Variants in ZNF678 observed in about 807,000 individuals in gnomAD.
The protein encoded by ZNF678 is hypothetical protein MGC42493.
Under a neutral mutation model 3.0 loss-of-function variants are expected in ZNF678, and 5 were observed. That is an observed-to-expected ratio of 1.69 (90% CI 0.88 to 3.56). ZNF678 has a LOEUF of 3.56. Among genes scored for constraint, ZNF678 ranks in the 30% most tolerant of loss-of-function variants. The probability of loss-of-function intolerance (pLI) is 0.00; values close to 1 mark genes in which losing one functional copy is unlikely to be tolerated. For missense variants in ZNF678, 593 were observed against 605.0 expected (o/e 0.98, Z 0.21); for synonymous variants, 218 against 199.6 (o/e 1.09, Z -0.78).
At chr1:227,565,255 G>A (rs1227716973) in intron 1 of ZNF678, among the ~76,000 whole-genome samples, 4 of 150,738 alleles carry the variant, frequency 2.7e-5, no homozygotes, top group East Asian at 4.0e-4. Flanking sequence ...TAGTAGAGAC[G>A]GGGTTTCACC....
At chr1:227,578,934 G>A (rs1157674915) in intron 1 of ZNF678, among the ~76,000 whole-genome samples, 2 of 152,056 alleles carry the variant, frequency 1.3e-5, no homozygotes, top group African/African-American at 2.4e-5. Context: ...TTCTTTTATT[G>A]TATTTGATTG....
chr1:227,575,695 A>G (rs1656971126), intron 1 of ZNF678, among the ~76,000 whole-genome samples: 1 of 152,150 alleles, frequency 6.6e-6, no homozygotes. Context: ...GCAAACAGGT[A>G]TAGTTTGACT....
At chr1:227,614,850 C>G (rs899575894) in intron 1 of ZNF678, among the ~76,000 whole-genome samples, 2 of 152,252 alleles carry the variant, frequency 1.3e-5, no homozygotes, top group Non-Finnish European at 2.9e-5. Flanking sequence ...CCCACACAGA[C>G]TGTCCCACCA....
chr1:227,584,588 T>C (rs1054508598), intron 1 of ZNF678, among the ~76,000 whole-genome samples: 1 of 152,230 alleles, frequency 6.6e-6, no homozygotes, highest in African/African-American at 2.4e-5. Context: ...TAAAGCATAA[T>C]GAGAAACACT....
intron 1 of ZNF678, among the ~76,000 whole-genome samples, chr1:227,576,435 G>A (rs1299028719): frequency 2.0e-5 from 3 of 152,138 alleles, no homozygotes; most frequent in Admixed American, 1.3e-4. Context: ...CTATTTGTCT[G>A]TTCAGGGTTT....
At chr1:227,650,770 T>C (rs945590601) in intron 2 of ZNF678, among the ~76,000 whole-genome samples, 186 bp from the exon 3 acceptor site, 1 of 152,206 alleles carries the variant, frequency 6.6e-6, no homozygotes, top group African/African-American at 2.4e-5. Context: ...TTGTAGTTAG[T>C]GTATTAGAAC....
intron 1 of ZNF678, among the ~76,000 whole-genome samples, chr1:227,605,885 G>T (rs1387520028): frequency 6.6e-6 from 1 of 152,200 alleles, no homozygotes; most frequent in Non-Finnish European, 1.5e-5. Flanking sequence ...GAAACTTGTG[G>T]AAGTATAAGC....
intron 3 of ZNF678, among the ~76,000 whole-genome samples, chr1:227,652,060 T>C (rs1447604433): frequency 1.3e-5 from 2 of 152,318 alleles, no homozygotes; most frequent in Non-Finnish European, 2.9e-5. Context: ...CATATATATT[T>C]GGGAAACCTA....
At chr1:227,668,820 C>T (rs920952790) in intron 5 of ZNF678, among the ~76,000 whole-genome samples, 2 of 152,080 alleles carry the variant, frequency 1.3e-5, no homozygotes, top group African/African-American at 4.8e-5. Flanking sequence ...AATAGGAAGT[C>T]GTTTCTTCAT....
At chr1:227,601,990 A>G (rs1293209295) in intron 1 of ZNF678, among the ~76,000 whole-genome samples, 6 of 152,210 alleles carry the variant, frequency 3.9e-5, no homozygotes, top group African/African-American at 1.4e-4. Context: ...GGTTTTCTAG[A>G]TATAGAATCA....
intron 1 of ZNF678, among the ~76,000 whole-genome samples, chr1:227,626,956 C>T (rs1408498772): frequency 3.3e-5 from 5 of 151,024 alleles, no homozygotes; most frequent in Admixed American, 1.3e-4. Context: ...GGAAGGCCTC[C>T]GCCCAACCAG....
At chr1:227,679,051 C>T (rs1451920754), downstream of ZNF678, among the ~76,000 whole-genome samples, 2 of 151,680 alleles carry the variant, frequency 1.3e-5, no homozygotes, top group African/African-American at 4.8e-5. Context: ...AGCAAGATAA[C>T]CTACTACTAT....
At chr1:227,669,471 C>T (rs1659562775) in intron 5 of ZNF678, among the ~76,000 whole-genome samples, 1 of 142,612 alleles carries the variant, frequency 7.0e-6, no homozygotes, top group African/African-American at 2.8e-5. Flanking sequence ...CCCGTCTCTA[C>T]TAAAAATATA....
chr1:227,633,755 T>G (rs1218985254), intron 1 of ZNF678, among the ~76,000 whole-genome samples: 1 of 152,168 alleles, frequency 6.6e-6, no homozygotes, highest in African/African-American at 2.4e-5. Flanking sequence ...TGGGCTAAAG[T>G]GCTCTGGAAC....
chr1:227,647,587 A>G (rs549715068), intron 2 of ZNF678, among the ~76,000 whole-genome samples: 26 of 152,314 alleles, frequency 1.7e-4, no homozygotes, highest in African/African-American at 5.5e-4. Context: ...TAGAGGCCCA[A>G]ATGTCAAGGA....
At chr1:227,637,349 G>A (rs79284127) in intron 1 of ZNF678, among the ~76,000 whole-genome samples, 12,019 of 152,208 alleles carry the variant, frequency 0.079, 628 homozygotes, top group Middle Eastern at 0.2. Flanking sequence ...AGTACATTGC[G>A]GTGAGCTAGC....
rs764185016 is a variant in ZNF678 at position 227,651,125 on chromosome 1, G to A, written c.85+49G>A. On this transcript the variant is annotated intron_variant, in intron 3 of 3. Transcript: ENST00000343776. ...CTCCAGGCTGATGAGATCTTTTCTGGGTTCATAGTAGAGAGGGGATATACC... is the reference window on the plus strand; with the variant it reads ...CTCCAGGCTGATGAGATCTTTTCTGAGTTCATAGTAGAGAGGGGATATACC... 4 of 1,597,906 alleles carry A rather than the reference G, an allele frequency of 2.5e-6. No homozygotes were observed. In the South Asian group the frequency reaches 4.5e-5, roughly 18 times the overall value.
intron 1 of ZNF678, among the ~76,000 whole-genome samples, chr1:227,569,026 C>T (rs1223932466): frequency 6.6e-6 from 1 of 152,224 alleles, no homozygotes; most frequent in African/African-American, 2.4e-5. Flanking sequence ...TGAGAGGGGA[C>T]TGAGGACTTA....
At chr1:227,607,926 G>A (rs2102756898) in intron 1 of ZNF678, among the ~76,000 whole-genome samples, 2 of 151,110 alleles carry the variant, frequency 1.3e-5, no homozygotes, top group South Asian at 4.2e-4. Context: ...ATTTGTTTTA[G>A]TATATAGGAA....
Sources: gnomAD v4.1 joint callset for allele counts (sites outside exome capture counted in the v4.1 genomes callset) on GRCh38, gnomAD v4.1.1 for gene constraint, MANE v1.5 for transcripts, NCBI Gene and HGNC (gene_info 2026-07-23, HGNC 2026-07-21) for gene names.